PCDH11X: variants seen among roughly 807,000 people sequenced by gnomAD.
The protein encoded by PCDH11X is protocadherin 11 X-linked, also known as protocadherin-11 X-linked.
Under a neutral mutation model 53.3 loss-of-function variants are expected in PCDH11X, and 18 were observed. The observed-to-expected ratio is 0.34, with a 90% CI of 0.23 to 0.50. The LOEUF (loss-of-function observed/expected upper bound fraction) is 0.50. PCDH11X is among the 20% of genes least tolerant of loss of function. PCDH11X has a pLI of 0.98. For missense variants in PCDH11X, 570 were observed against 1,032.4 expected (o/e 0.55, Z 6.14); for synonymous variants, 279 against 393.3 (o/e 0.71, Z 3.44).
chrX:92,570,860 G>T (rs1338694559), intron 10 of PCDH11X, among the ~76,000 whole-genome samples: 1 of 107,942 alleles, frequency 9.3e-6, no homozygotes, highest in Non-Finnish European at 1.9e-5. Flanking sequence ...GTTCTATAAT[G>T]AATTAACTAT....
At chrX:92,222,026 G>A (rs893646078) in intron 7 of PCDH11X, among the ~76,000 whole-genome samples, 2 of 111,015 alleles carry the variant, frequency 1.8e-5, no homozygotes, top group Non-Finnish European at 3.8e-5. Context: ...TAGAGATGGG[G>A]TTTCATTATG....
chrX:91,869,238 T>C (rs1939148550), intron 5 of PCDH11X, among the ~76,000 whole-genome samples: 2 of 110,257 alleles, frequency 1.8e-5, no homozygotes, highest in African/African-American at 6.7e-5. Context: ...ATAGTTTTTG[T>C]TTTGTTTTTG....
intron 6 of PCDH11X, among the ~76,000 whole-genome samples, chrX:92,136,255 A>G (rs769935043): frequency 1.8e-5 from 2 of 110,775 alleles, no homozygotes; most frequent in African/African-American, 6.6e-5. Flanking sequence ...CTTATTCCAA[A>G]CAGAAGGAGC....
intron 7 of PCDH11X, among the ~76,000 whole-genome samples, chrX:92,232,365 T>G (rs1444778344): frequency 8.9e-6 from 1 of 111,899 alleles, no homozygotes; most frequent in African/African-American, 3.3e-5. Context: ...TCATGTACTA[T>G]AGTGAACCAC....
intron 6 of PCDH11X, among the ~76,000 whole-genome samples, chrX:91,912,856 G>T (rs1435522457): frequency 8.9e-6 from 1 of 111,848 alleles, no homozygotes; most frequent in Non-Finnish European, 1.9e-5. Flanking sequence ...CCACAAAACA[G>T]GCGAAAAACT....
chrX:92,535,222 T>C (rs2074635079), intron 10 of PCDH11X, among the ~76,000 whole-genome samples: 1 of 111,870 alleles, frequency 8.9e-6, no homozygotes, highest in Non-Finnish European at 1.9e-5. Context: ...CTCATGCACA[T>C]GTATATTCAT....
At position 92,439,842 on chromosome X, in the gene PCDH11X, C is replaced by A. The variant is rs1423888967; in HGVS notation, c.3344-28457C>A. On this transcript the variant is annotated intron_variant, in intron 9 of 10. Coordinates refer to ENST00000682573, the MANE Select transcript of PCDH11X (RefSeq NM_032968.5). ...CAACAAAACATTACACTTAAACAATCTTTGGAAGACTAAAGATTTTTTAAA... is the reference window on the plus strand; with the variant it reads ...CAACAAAACATTACACTTAAACAATATTTGGAAGACTAAAGATTTTTTAAA... Among the ~76,000 whole-genome samples the A allele has an allele frequency of 4.0e-5, 4 of 100,814 alleles. No individual in the cohort carries two copies. In the Admixed American group the frequency reaches 4.6e-4, roughly 11 times the overall value. The allele number at this position is 100,814 out of a possible 115,157, so 87.5% of individuals were successfully genotyped here.
At chrX:92,564,948 A>C (rs190155275) in intron 10 of PCDH11X, among the ~76,000 whole-genome samples, 64 of 111,051 alleles carry the variant, frequency 5.8e-4, no homozygotes, top group African/African-American at 2.0e-3. Context: ...ATCTGATAAA[A>C]TAAGAACAGA....
At chrX:91,868,453 T>C (rs1939107038) in intron 5 of PCDH11X, among the ~76,000 whole-genome samples, 1 of 111,590 alleles carries the variant, frequency 9.0e-6, no homozygotes, top group Non-Finnish European at 1.9e-5. Flanking sequence ...TTCTGGACTT[T>C]GATGATAGTA....
At chrX:92,303,810 T>A (rs1182568657) in intron 8 of PCDH11X, among the ~76,000 whole-genome samples, 1 of 109,981 alleles carries the variant, frequency 9.1e-6, no homozygotes, top group Non-Finnish European at 1.9e-5. Flanking sequence ...ACGCTAATGG[T>A]TGAATTACAG....
intron 8 of PCDH11X, among the ~76,000 whole-genome samples, chrX:92,352,913 A>T (rs1373089336): frequency 9.1e-6 from 1 of 109,363 alleles, no homozygotes; most frequent in East Asian, 2.9e-4. Context: ...GTGTCTATGG[A>T]TTCTCTTGGC....
At chrX:92,175,722 T>C (rs2065894390) in intron 6 of PCDH11X, among the ~76,000 whole-genome samples, 1 of 102,862 alleles carries the variant, frequency 9.7e-6, no homozygotes, top group African/African-American at 3.5e-5. Flanking sequence ...AAGATATTCT[T>C]CCCTGAAAAG....
At chrX:92,523,146 A>T (rs6615417) in intron 10 of PCDH11X, among the ~76,000 whole-genome samples, 34,789 of 111,216 alleles carry the variant, frequency 0.31, 4,591 homozygotes, top group East Asian at 0.42. Flanking sequence ...GCGACAGGCA[A>T]TCCATTCTGT....
At chrX:92,512,993 T>C (rs2074190561) in intron 10 of PCDH11X, among the ~76,000 whole-genome samples, 1 of 110,669 alleles carries the variant, frequency 9.0e-6, no homozygotes. Flanking sequence ...TGGCATAGAT[T>C]AGGTCTTCAA....
Position 91,999,959 on chromosome X carries a change from C to T in PCDH11X, c.3033+120686C>T, listed in dbSNP as rs756742158. 1.2e-4 allele frequency among the ~76,000 whole-genome samples: 13 copies of T among 111,257 alleles called. No homozygotes were observed. The East Asian group carries it at 2.3e-3, about 19-fold the overall frequency. On this transcript the variant is annotated intron_variant, in intron 6 of 10. Transcript: ENST00000682573. ...AAAATGGAAATATAACATTGGCTTT[C>T]GTCGTCTTAGCTGGCAAAGTAAGTC...
chrX:91,981,749 A>G (rs2062142388), intron 6 of PCDH11X, among the ~76,000 whole-genome samples: 1 of 108,624 alleles, frequency 9.2e-6, no homozygotes, highest in Non-Finnish European at 1.9e-5. Context: ...GGCAGCAGGC[A>G]AAAAGAGAGC....
intron 4 of PCDH11X, among the ~76,000 whole-genome samples, chrX:91,818,827 G>A (rs1936539050): frequency 9.0e-6 from 1 of 111,357 alleles, no homozygotes; most frequent in Admixed American, 9.6e-5. Context: ...CATTTCAATT[G>A]GCAGTTTTCC....
chrX:91,868,503 A>T (rs1939108686), intron 5 of PCDH11X, among the ~76,000 whole-genome samples: 1 of 111,675 alleles, frequency 9.0e-6, no homozygotes, highest in Non-Finnish European at 1.9e-5. Flanking sequence ...ATCAATTTAG[A>T]AGGTAGAACC....
intron 6 of PCDH11X, among the ~76,000 whole-genome samples, chrX:91,991,397 C>G (rs1379656256): frequency 5.2e-5 from 4 of 77,232 alleles, no homozygotes; most frequent in Non-Finnish European, 9.5e-5. Flanking sequence ...AGGTTACTGG[C>G]TTTTCCAGTA....
Sources: allele counts gnomAD v4.1 joint callset (sites outside exome capture counted in the v4.1 genomes callset), GRCh38; gene constraint gnomAD v4.1.1; transcripts MANE v1.5; gene names NCBI Gene and HGNC (gene_info 2026-07-23, HGNC 2026-07-21).